Variants in PTPN13 observed in about 807,000 individuals in gnomAD.
PTPN13 encodes protein tyrosine phosphatase non-receptor type 13.
Under a neutral mutation model 284.0 loss-of-function variants are expected in PTPN13, and 191 were observed. The observed-to-expected ratio is 0.67, with a 90% CI of 0.60 to 0.76. The LOEUF (loss-of-function observed/expected upper bound fraction) is 0.76. PTPN13 is among the 30% of genes least tolerant of loss of function. The pLI is 0.00. For missense variants in PTPN13, 2,797 were observed against 2,939.9 expected (o/e 0.95, Z 1.12); for synonymous variants, 986 against 1,022.3 (o/e 0.96, Z 0.68).
In PTPN13 at chr4:86,814,705, A is replaced by G. The variant is rs1175652942; in HGVS notation, c.*154A>G. 8.7e-6 allele frequency: 5 copies of G among 572,770 alleles called. No individual in the cohort carries two copies. The highest frequency in any genetic ancestry group is 1.6e-5 in the Non-Finnish European group (5 of 322,526). The allele number at this position is 572,770 out of a possible 1,614,324, so 35.5% of individuals were successfully genotyped here. ...GGGGTATTCTTCTTGAAAATAAAAAATATTGAAATGCTGTATTTTTACAGC... is the reference window on the plus strand; with the variant it reads ...GGGGTATTCTTCTTGAAAATAAAAAGTATTGAAATGCTGTATTTTTACAGC... On this transcript the variant is annotated 3_prime_UTR_variant, in exon 48 of 48. Transcript: ENST00000411767.
intron 24 of PTPN13, 118 bp downstream of exon 24, chr4:86,763,308 T>C (rs574500351): frequency 1.1e-6 from 1 of 889,504 alleles, no homozygotes; most frequent in Non-Finnish European, 1.7e-6. Context: ...AAAGAAATAG[T>C]TTATATCTTC....
intron 6 of PTPN13, among the ~76,000 whole-genome samples, chr4:86,698,681 AC>A (rs1220566775): frequency 6.6e-6 from 1 of 152,214 alleles, no homozygotes; most frequent in African/African-American, 2.4e-5. Flanking sequence ...ACCAGCTTTT[AC>A]TGAGAAGTAA....
At chr4:86,643,978 A>G (rs779081798) in intron 2 of PTPN13, among the ~76,000 whole-genome samples, 5 of 152,136 alleles carry the variant, frequency 3.3e-5, no homozygotes, top group African/African-American at 7.2e-5. Context: ...TTCAGATTCT[A>G]TAGTTATTTA....
chr4:86,612,932 G>T lies in PTPN13; in HGVS notation c.-6+18143G>T, dbSNP rs972924147. Among the ~76,000 whole-genome samples the T allele has an allele frequency of 1.1e-4, 16 of 152,260 alleles. No individual in the cohort carries two copies. The East Asian group carries it at 1.9e-3, about 18-fold the overall frequency. On this transcript the variant is annotated intron_variant, in intron 1 of 47. Transcript: ENST00000411767. ...TTCCCCAGATATACAGTAGCTGAAA[G>T]AATTGATAACCAGCAGATCTGCATT...
chr4:86,673,241 C>A (rs952254751), intron 3 of PTPN13, among the ~76,000 whole-genome samples: 6 of 152,004 alleles, frequency 3.9e-5, no homozygotes, highest in African/African-American at 1.5e-4. Flanking sequence ...GAAATAAATG[C>A]TATGGAGAGT....
chr4:86,737,647 A>G (rs1443847322), intron 15 of PTPN13, among the ~76,000 whole-genome samples: 4 of 150,316 alleles, frequency 2.7e-5, no homozygotes, highest in African/African-American at 9.7e-5. Flanking sequence ...TGCTATTACC[A>G]TAGTGTTTTT....
Position 86,664,891 on chromosome 4 carries a change from A to C in PTPN13, c.116-7474A>C, listed in dbSNP as rs538778289. Among the ~76,000 whole-genome samples, 8 of 152,242 alleles carry C rather than the reference A, an allele frequency of 5.3e-5. No individual in the cohort carries two copies. The South Asian group carries it at 1.7e-3, about 32-fold the overall frequency. Reference sequence around the variant, plus strand: ...GAAATCAAGAGACCTGCTTCCCTCTATCCACGTTGTCCCATCACTTAAGCC... The same window carrying C: ...GAAATCAAGAGACCTGCTTCCCTCTCTCCACGTTGTCCCATCACTTAAGCC... On this transcript the variant is annotated intron_variant, in intron 2 of 47. Coordinates refer to ENST00000411767, the MANE Select transcript of PTPN13 (RefSeq NM_080683.3).
In PTPN13 at chr4:86,643,237, C is replaced by T. The variant is rs144410601; in HGVS notation, c.115+7866C>T. On this transcript the variant is annotated intron_variant, in intron 2 of 47. Transcript: ENST00000411767. ...ATTTGATAAAGAGAAATATTAAAAA[C>T]AAGCCAGGTTCATTGTCTACATTAA... Among the ~76,000 whole-genome samples, 31 of 152,212 alleles carry T rather than the reference C, an allele frequency of 2.0e-4. No homozygotes were observed. The East Asian group carries it at 5.8e-3, about 28-fold the overall frequency.
At chr4:86,624,795 A>G (rs138528958) in intron 1 of PTPN13, among the ~76,000 whole-genome samples, 170 of 152,250 alleles carry the variant, frequency 1.1e-3, no homozygotes, top group African/African-American at 3.9e-3. Context: ...CTGTACTCCA[A>G]TCTGGTTAAC....
intron 24 of PTPN13, among the ~76,000 whole-genome samples, chr4:86,763,572 T>G (rs1359102705): frequency 1.3e-5 from 2 of 152,332 alleles, no homozygotes; most frequent in East Asian, 1.9e-4. Flanking sequence ...ATAGTCTAAA[T>G]TCTTCTGAAG....
chr4:86,783,199 G>A (rs1045948504), intron 37 of PTPN13, among the ~76,000 whole-genome samples: 1 of 152,130 alleles, frequency 6.6e-6, no homozygotes, highest in Non-Finnish European at 1.5e-5. Flanking sequence ...GGTCTAGCAA[G>A]CCATGAAAAG....
chr4:86,638,667 CAA>C (rs1723355845), intron 2 of PTPN13, among the ~76,000 whole-genome samples: 1 of 152,130 alleles, frequency 6.6e-6, no homozygotes, highest in Non-Finnish European at 1.5e-5. Flanking sequence ...ACACCTTATA[CAA>C]AAATTAATTC....
chr4:86,795,619 G>A (rs149469681), intron 40 of PTPN13, among the ~76,000 whole-genome samples: 2,693 of 152,230 alleles, frequency 0.018, 50 homozygotes, highest in Non-Finnish European at 0.025. Context: ...GTTCACAATA[G>A]CAAAGACATG....
rs1422464627 is a variant in PTPN13 at position 86,767,808 on chromosome 4, C to T, written c.4330-9C>T. ...TCTTAATTAATGAAATGCTATTTTA[C>T]TTATCCAGGTGGTTCATCTGTTATT... is the stretch of plus-strand genomic sequence containing the variant. On this transcript the variant is annotated splice_polypyrimidine_tract_variant and intron_variant, in intron 27 of 47. Transcript: ENST00000411767. The T allele has an allele frequency of 2.0e-6, 3 of 1,536,660 alleles. No homozygotes were observed. The highest frequency in any genetic ancestry group is 1.4e-5 in the African/African-American group (1 of 72,432).
At chr4:86,676,314 A>G (rs1477480524) in intron 3 of PTPN13, among the ~76,000 whole-genome samples, 1 of 152,210 alleles carries the variant, frequency 6.6e-6, no homozygotes, top group Non-Finnish European at 1.5e-5. Context: ...TAGGGATACT[A>G]TCTCACATCC....
In PTPN13 at chr4:86,597,018, T is replaced by C. The variant is rs184883814; in HGVS notation, c.-6+2229T>C. Among the ~76,000 whole-genome samples, 139 of 152,292 alleles carry C rather than the reference T, an allele frequency of 9.1e-4. 1 individual carries two copies. Among genetic ancestry groups the C allele is most frequent in the Admixed American group, 2.7e-3 (42 of 15,304 alleles). On this transcript the variant is annotated intron_variant, in intron 1 of 47. Coordinates refer to ENST00000411767, the MANE Select transcript of PTPN13 (RefSeq NM_080683.3). The stretch of plus-strand genomic sequence containing the variant: ...CTCTGTGTAGTTCAAAGTATTCTCC[T>C]GTTTGCCTCTGATGCAACCAAGTAC...
chr4:86,730,872 C>A (rs1048373351), intron 10 of PTPN13, among the ~76,000 whole-genome samples: 12 of 152,290 alleles, frequency 7.9e-5, no homozygotes, highest in African/African-American at 2.6e-4. Flanking sequence ...GCAGAAATCA[C>A]CCGTCTTCTG....
chr4:86,606,391 G>A (rs1764743036), intron 1 of PTPN13, among the ~76,000 whole-genome samples: 1 of 151,810 alleles, frequency 6.6e-6, no homozygotes, highest in South Asian at 2.1e-4. Flanking sequence ...ATTTGCCCCA[G>A]TGTGACTTTA....
At chr4:86,597,775 T>TC (rs989212995) in intron 1 of PTPN13, among the ~76,000 whole-genome samples, 2 of 152,180 alleles carry the variant, frequency 1.3e-5, no homozygotes, top group Admixed American at 6.5e-5. Flanking sequence ...AGAGAAGAAT[T>TC]CCTAAATAAT....
Sources: allele counts gnomAD v4.1 joint callset (sites outside exome capture counted in the v4.1 genomes callset), GRCh38; gene constraint gnomAD v4.1.1; transcripts MANE v1.5; gene names NCBI Gene and HGNC (gene_info 2026-07-23, HGNC 2026-07-21).